The following MYOM2 variants were observed in gnomAD, a reference collection of about 807,000 sequenced individuals.
MYOM2 encodes the protein myomesin-2.
A neutral mutation model predicts 187.6 loss-of-function variants in MYOM2; 254 were observed. The ratio of observed to expected loss-of-function variants is 1.35; its 90% CI spans 1.22 to 1.50. The LOEUF (loss-of-function observed/expected upper bound fraction) is 1.50, where lower values mean the gene tolerates loss of function less well. Among genes scored for constraint, MYOM2 ranks in the 40% most tolerant of loss-of-function variants. MYOM2 has a pLI of 0.00. For synonymous variants in MYOM2, 981 were observed against 753.8 expected (o/e 1.30, Z -4.94); for missense variants, 2,796 against 1,924.0 (o/e 1.45, Z -8.48).
chr8:2,093,293 A>G (rs1188461413), intron 16 of MYOM2, among the ~76,000 whole-genome samples: 5 of 152,248 alleles, frequency 3.3e-5, no homozygotes, highest in Non-Finnish European at 5.9e-5. Context: ...ATCGATCAGA[A>G]TAAGAAACTT....
intron 25 of MYOM2, among the ~76,000 whole-genome samples, chr8:2,109,966 C>T (rs1400140719): frequency 6.6e-6 from 1 of 152,186 alleles, no homozygotes; most frequent in Non-Finnish European, 1.5e-5. Context: ...GTTTCTGTGG[C>T]TTCTCTGCCT....
At chr8:2,127,415 A>C (rs1449305597) in intron 31 of MYOM2, among the ~76,000 whole-genome samples, 1 of 152,154 alleles carries the variant, frequency 6.6e-6, no homozygotes, top group Non-Finnish European at 1.5e-5. Context: ...AGCCCCGCAC[A>C]GTTCCCTAGA....
At chr8:2,077,934 C>T (rs1288118063) in intron 11 of MYOM2, among the ~76,000 whole-genome samples, 1 of 152,164 alleles carries the variant, frequency 6.6e-6, no homozygotes, top group Non-Finnish European at 1.5e-5. Context: ...CAGCCCATGA[C>T]ATGTGGATCA....
intron 31 of MYOM2, among the ~76,000 whole-genome samples, chr8:2,127,460 G>C (rs1797688463): frequency 6.6e-6 from 1 of 152,224 alleles, no homozygotes; most frequent in African/African-American, 2.4e-5. Flanking sequence ...AGAAGCTCTG[G>C]GGATGGGCTC....
At chr8:2,062,536 G>A (rs547936793) in intron 6 of MYOM2, among the ~76,000 whole-genome samples, 1 of 152,200 alleles carries the variant, frequency 6.6e-6, no homozygotes, top group Non-Finnish European at 1.5e-5. Flanking sequence ...TCACAGCGGG[G>A]TAGGCCTGGG....
chr8:2,120,764 C>G (rs917380448), intron 28 of MYOM2, among the ~76,000 whole-genome samples: 21 of 114,970 alleles, frequency 1.8e-4, no homozygotes, highest in African/African-American at 5.9e-4. Flanking sequence ...TTCCCTTCCT[C>G]TCTTCTTGAA....
At chr8:2,078,681 A>C (rs542225987) in intron 11 of MYOM2, 53 bp from the exon 12 acceptor site, 233 of 1,534,284 alleles carry the variant, frequency 1.5e-4, no homozygotes, top group Non-Finnish European at 1.9e-4. Context: ...ATGTATATTT[A>C]GTAGGTTGCC....
chr8:2,120,282 C>T (rs1797380513), intron 28 of MYOM2, among the ~76,000 whole-genome samples: 1 of 151,994 alleles, frequency 6.6e-6, no homozygotes, highest in Non-Finnish European at 1.5e-5. Flanking sequence ...GGTCAACCAG[C>T]TGTCTAAGTT....
chr8:2,110,121 A>C (rs1797019642), intron 25 of MYOM2, among the ~76,000 whole-genome samples: 1 of 152,156 alleles, frequency 6.6e-6, no homozygotes, highest in African/African-American at 2.4e-5. Context: ...CCAGGAGTTC[A>C]AGACCAGCCT....
chr8:2,085,226 G>C (rs1819770573), intron 13 of MYOM2, 37 bp from the exon 14 acceptor site: 1 of 1,604,250 alleles, frequency 6.2e-7, no homozygotes, highest in East Asian at 2.2e-5. Context: ...GGCTGATGGG[G>C]GTCCTTCAGC....
At chr8:2,066,430 C>A (rs1819022006) in intron 6 of MYOM2, among the ~76,000 whole-genome samples, 1 of 152,206 alleles carries the variant, frequency 6.6e-6, no homozygotes, top group African/African-American at 2.4e-5. Flanking sequence ...TTTCTCTCAT[C>A]TGCTGTGTTA....
intron 15 of MYOM2, among the ~76,000 whole-genome samples, chr8:2,090,945 T>C (rs960377728): frequency 2.0e-5 from 3 of 151,886 alleles, no homozygotes; most frequent in Non-Finnish European, 2.9e-5. Context: ...TCCATATGTC[T>C]TTATGGTAGA....
intron 11 of MYOM2, among the ~76,000 whole-genome samples, chr8:2,078,012 C>G (rs1456141781): frequency 2.0e-5 from 3 of 152,176 alleles, no homozygotes; most frequent in Non-Finnish European, 4.4e-5. Flanking sequence ...GAAGGCACCA[C>G]TCTGGGGTTG....
rs1001318252 is a variant in MYOM2 at position 2,108,825 on chromosome 8, A to G, written c.3038A>G (p.Asn1013Ser). 5.6e-6 allele frequency: 9 copies of G among 1,613,506 alleles called. No individual in the cohort carries two copies. Among genetic ancestry groups the G allele is most frequent in the South Asian group, 2.2e-5 (2 of 90,966 alleles). Reference protein sequence around the residue: ...RLMALSNEIKNPTIPLKSELA... With the variant: ...RLMALSNEIKSPTIPLKSELA... ...ATGGCATTGAGCAATGAAATAAAGAACCCCAGTAAGTAAGCCTCCAGCCCT... is the reference window on the plus strand; with the variant it reads ...ATGGCATTGAGCAATGAAATAAAGAGCCCCAGTAAGTAAGCCTCCAGCCCT... Residue 1013 changes from asparagine to serine, a missense_variant, in exon 24 of 37, where the codon AAC becomes AGC. By Grantham distance (46) the Asn-to-Ser change is conservative. Transcript: ENST00000262113.
rs189857602 is a variant in MYOM2 at position 2,048,975 on chromosome 8, T to C, written c.-12-1780T>C. On this transcript the variant is annotated intron_variant, in intron 1 of 36. Transcript: ENST00000262113. ...GGCTAATTTTTTGTATTTTTTTTAG[T>C]AGAGACGGGGTTTCACCATCTTAGC... is the stretch of plus-strand genomic sequence containing the variant. 2.3e-4 allele frequency among the ~76,000 whole-genome samples: 35 copies of C among 152,062 alleles called. No homozygotes were observed. The East Asian group carries it at 6.0e-3, about 26-fold the overall frequency.
intron 6 of MYOM2, among the ~76,000 whole-genome samples, chr8:2,065,453 C>T (rs1397294174): frequency 1.3e-5 from 2 of 152,074 alleles, no homozygotes; most frequent in Non-Finnish European, 2.9e-5. Flanking sequence ...ACCTGTAATC[C>T]CAGCTACTCA....
At chr8:2,118,013 C>G (rs968902938) in intron 28 of MYOM2, 61 bp downstream of exon 28, 4 of 1,450,768 alleles carry the variant, frequency 2.8e-6, no homozygotes, top group Middle Eastern at 1.7e-4. Context: ...ATCAGAGAGG[C>G]CTTTCAGGGA....
intron 32 of MYOM2, among the ~76,000 whole-genome samples, chr8:2,132,103 A>T (rs1487938825): frequency 6.6e-6 from 1 of 152,244 alleles, no homozygotes; most frequent in Non-Finnish European, 1.5e-5. Flanking sequence ...CAACTGGAAA[A>T]AAAGAATAAT....
In MYOM2 at chr8:2,094,018, C is replaced by G; in HGVS notation, c.2052C>G (p.Val684=). ...LTTGEQYIFR[V]KAVNAVGMSE... Reference sequence around the variant, plus strand: ...CGGGAGAGCAGTACATCTTCCGAGTCAAGGCGGTCAATGCTGTGGGGATGA... The same window carrying G: ...CGGGAGAGCAGTACATCTTCCGAGTGAAGGCGGTCAATGCTGTGGGGATGA... Residue 684 remains valine (V), a synonymous_variant, in exon 17 of 37, where the codon GTC becomes GTG. Coordinates refer to ENST00000262113, the MANE Select transcript of MYOM2 (RefSeq NM_003970.4). 2.5e-6 allele frequency: 4 copies of G among 1,614,106 alleles called. No individual in the cohort carries two copies. Among genetic ancestry groups the G allele is most frequent in the South Asian group, 2.2e-5 (2 of 91,086 alleles).
Sources: allele counts gnomAD v4.1 joint callset (sites outside exome capture counted in the v4.1 genomes callset), GRCh38; gene constraint gnomAD v4.1.1; transcripts MANE v1.5; gene names NCBI Gene and HGNC (gene_info 2026-07-23, HGNC 2026-07-21).